The following DIAPH2 variants were observed in gnomAD, a reference collection of about 807,000 sequenced individuals.
The protein encoded by DIAPH2 is diaphanous related formin 2, also known as protein diaphanous homolog 2.
In DIAPH2, 35 loss-of-function variants were observed where a neutral mutation model predicts 92.7. That is an observed-to-expected ratio of 0.38 (90% CI 0.29 to 0.50). DIAPH2 has a LOEUF of 0.50. Ranked by LOEUF, DIAPH2 falls within the 20% of genes least tolerant of loss-of-function variation. The pLI, the probability that DIAPH2 is intolerant of heterozygous loss-of-function variation, is 0.94. For missense variants in DIAPH2, 701 were observed against 819.5 expected, an observed-to-expected ratio of 0.86 and a Z score of 1.77; for synonymous variants, 301 against 280.4, an observed-to-expected ratio of 1.07 and a Z score of -0.73.
chrX:96,754,794 C>T (rs767491384), intron 3 of DIAPH2, among the ~76,000 whole-genome samples: 7 of 107,678 alleles, frequency 6.5e-5, no homozygotes, highest in African/African-American at 2.0e-4. Context: ...TGTGGTGGTG[C>T]GTGCCTGTAA....
At chrX:96,710,079 C>G (rs2063909153) in intron 1 of DIAPH2, among the ~76,000 whole-genome samples, 1 of 111,382 alleles carries the variant, frequency 9.0e-6, no homozygotes, top group African/African-American at 3.3e-5. Context: ...TGTGGTTCCT[C>G]TTAGGTAATC....
chrX:96,696,247 T>TAAAAGAAAAGAAAAG (rs1395352062), intron 1 of DIAPH2, among the ~76,000 whole-genome samples: 2 of 111,257 alleles, frequency 1.8e-5, no homozygotes, highest in Non-Finnish European at 3.8e-5. Context: ...ACCCTGACTC[T>TAAAAGAAAAGAAAAG]AAAAGAAAAG....
intron 1 of DIAPH2, among the ~76,000 whole-genome samples, chrX:96,727,040 C>A (rs899402905): frequency 3.1e-4 from 35 of 112,155 alleles, no homozygotes; most frequent in African/African-American, 1.0e-3. Flanking sequence ...ACACTCTTAT[C>A]ATTTGGCCAC....
chrX:96,837,431 C>CTGTGTG (rs1311423042), intron 4 of DIAPH2, among the ~76,000 whole-genome samples: 1 of 36,510 alleles, frequency 2.7e-5, no homozygotes, highest in Non-Finnish European at 4.3e-5. Context: ...CTCTCTCTCT[C>CTGTGTG]TCTGTGTGTG....
chrX:96,937,851 TAGA>T (rs1218223916), intron 11 of DIAPH2, among the ~76,000 whole-genome samples: 1 of 112,124 alleles, frequency 8.9e-6, no homozygotes, highest in African/African-American at 3.2e-5. Context: ...AGCTATGTGG[TAGA>T]AGCATCTGAG....
intron 26 of DIAPH2, among the ~76,000 whole-genome samples, chrX:97,587,277 G>GA (rs770610966): frequency 0.017 from 1,493 of 87,149 alleles, 25 homozygotes; most frequent in African/African-American, 0.054. Context: ...TGCTGTCCTA[G>GA]AAAAAAAAAA....
At chrX:97,015,412 G>A (rs1015348746) in intron 17 of DIAPH2, among the ~76,000 whole-genome samples, 8 of 111,698 alleles carry the variant, frequency 7.2e-5, no homozygotes, top group Middle Eastern at 4.7e-3. Flanking sequence ...AATAAAAAGT[G>A]ACTCAAGTCA....
At chrX:96,699,553 G>T (rs951566733) in intron 1 of DIAPH2, among the ~76,000 whole-genome samples, 1 of 112,006 alleles carries the variant, frequency 8.9e-6, no homozygotes, top group Non-Finnish European at 1.9e-5. Flanking sequence ...CCAGCACAAA[G>T]AATTATTCAG....
In DIAPH2 at chrX:96,840,683, A is replaced by C. The variant is rs1198591580; in HGVS notation, c.448-40896A>C. The stretch of plus-strand genomic sequence containing the variant: ...GGGTGCAGTGGCGTGATCTCGGCTC[A>C]CTGCAAGCTCTGCCTCCTGGGTTCA... On this transcript the variant is annotated intron_variant, in intron 4 of 26. Transcript: ENST00000324765. Among the ~76,000 whole-genome samples the C allele has an allele frequency of 5.4e-5, 6 of 110,461 alleles. No individual in the cohort carries two copies. In the East Asian group the frequency reaches 1.7e-3, roughly 31 times the overall value.
intron 25 of DIAPH2, among the ~76,000 whole-genome samples, chrX:97,418,665 A>G (rs2069974853): frequency 8.9e-6 from 1 of 111,873 alleles, no homozygotes; most frequent in Admixed American, 9.5e-5. Flanking sequence ...TGAGATGGCA[A>G]TCTAGTTGAA....
rs1332264651 is a variant in DIAPH2, at chrX:97,583,828, T to C, written c.3242-15425T>C. On this transcript the variant is annotated intron_variant, in intron 26 of 26. Transcript: ENST00000324765. Reference sequence around the variant, plus strand: ...CTGCTGTGCTAGCAATCAGCGAGACTCGGTGGGGTAGGGCCCTCCGAGCCA... The same window carrying C: ...CTGCTGTGCTAGCAATCAGCGAGACCCGGTGGGGTAGGGCCCTCCGAGCCA... Among the ~76,000 whole-genome samples the C allele has an allele frequency of 2.7e-5, 3 of 111,500 alleles. No homozygotes were observed. In the East Asian group the frequency reaches 8.5e-4, roughly 32 times the overall value.
At chrX:96,728,512 A>G (rs2064036065) in intron 1 of DIAPH2, among the ~76,000 whole-genome samples, 2 of 112,083 alleles carry the variant, frequency 1.8e-5, no homozygotes, top group African/African-American at 3.2e-5. Context: ...AGCCCAGCCT[A>G]TATGGTTAGT....
At chrX:96,928,824 G>A (rs1232341054) in intron 9 of DIAPH2, among the ~76,000 whole-genome samples, 2 of 111,133 alleles carry the variant, frequency 1.8e-5, no homozygotes, top group African/African-American at 6.5e-5. Flanking sequence ...TAAACTATAT[G>A]TTCATACATT....
At chrX:97,024,112 A>T (rs1399128170) in intron 17 of DIAPH2, among the ~76,000 whole-genome samples, 1 of 112,152 alleles carries the variant, frequency 8.9e-6, no homozygotes, top group Non-Finnish European at 1.9e-5. Context: ...TTACATATCA[A>T]CTCATGCAAG....
At chrX:97,463,037 G>T (rs929225652) in intron 26 of DIAPH2, among the ~76,000 whole-genome samples, 8 of 111,045 alleles carry the variant, frequency 7.2e-5, no homozygotes, top group Admixed American at 3.8e-4. Flanking sequence ...ATACAGAGAG[G>T]CTCAAGGGAA....
intron 25 of DIAPH2, among the ~76,000 whole-genome samples, chrX:97,417,886 G>T (rs12687080): frequency 9.2e-6 from 1 of 109,037 alleles, no homozygotes; most frequent in Non-Finnish European, 1.9e-5. Context: ...TATAAATTAG[G>T]CACAGTAAGT....
Position 97,349,082 on chromosome X carries a change from ATT to A in DIAPH2, c.3009+815_3009+816del, listed in dbSNP as rs201110907. 8.3e-3 allele frequency among the ~76,000 whole-genome samples: 716 copies of A among 86,090 alleles called. 1 individual carries two copies. Among genetic ancestry groups the A allele is most frequent in the African/African-American group, 0.012 (242 of 21,026 alleles). 74.8% of individuals were successfully genotyped at this position (86,090 alleles called of 115,157 possible). ...TATGTGTGTGTATATATATATATAT[ATT>A]TTTTTTTTTTTTAATTTTTTTTGAT... On this transcript the variant is annotated intron_variant, in intron 24 of 26. Transcript: ENST00000324765.
chrX:96,949,687 C>CAAAAAA (rs1167294262), intron 15 of DIAPH2, among the ~76,000 whole-genome samples: 3 of 40,332 alleles, frequency 7.4e-5, no homozygotes, highest in Non-Finnish European at 8.5e-5. Context: ...ACTAAAAATA[C>CAAAAAA]AAAAAAAAAA....
chrX:96,690,312 T>C lies in DIAPH2; in HGVS notation c.132+5122T>C, dbSNP rs771624064. 3.6e-5 allele frequency among the ~76,000 whole-genome samples: 4 copies of C among 111,783 alleles called. No individual in the cohort carries two copies. In the South Asian group the frequency reaches 1.1e-3, roughly 31 times the overall value. Reference sequence around the variant, plus strand: ...TTTGCTTGTGATTTCTGATGAGCCATTTAGCACCAGAAGTTTGAGCTCTTT... The same window carrying C: ...TTTGCTTGTGATTTCTGATGAGCCACTTAGCACCAGAAGTTTGAGCTCTTT... On this transcript the variant is annotated intron_variant, in intron 1 of 26. Coordinates refer to ENST00000324765, the MANE Select transcript of DIAPH2 (RefSeq NM_006729.5).
Sources: allele counts gnomAD v4.1 joint callset (sites outside exome capture counted in the v4.1 genomes callset), GRCh38; gene constraint gnomAD v4.1.1; transcripts MANE v1.5; gene names NCBI Gene and HGNC (gene_info 2026-07-23, HGNC 2026-07-21).